Variants in EGFR observed in about 807,000 individuals in gnomAD.
EGFR encodes the protein epidermal growth factor receptor.
In EGFR, 58 loss-of-function variants were observed where a neutral mutation model predicts 143.0. The observed-to-expected ratio is 0.41, with a 90% CI of 0.33 to 0.50. The LOEUF is 0.50. Among genes scored for constraint, EGFR ranks in the 20% least tolerant of loss-of-function variants. The pLI, the probability that EGFR is intolerant of heterozygous loss-of-function variation, is 0.39. For missense variants in EGFR, 1,307 were observed against 1,579.0 expected, an observed-to-expected ratio of 0.83 and a Z score of 2.92; for synonymous variants, 613 against 594.4, an observed-to-expected ratio of 1.03 and a Z score of -0.45.
chr7:55,087,246 GTTCA>G (rs1418263026), intron 1 of EGFR, among the ~76,000 whole-genome samples: 1 of 125,780 alleles, frequency 8.0e-6, no homozygotes, highest in African/African-American at 3.1e-5. Flanking sequence ...ACCATTTTAG[GTTCA>G]CTTTAAGTAG....
chr7:55,072,304 C>T (rs76909764), intron 1 of EGFR, among the ~76,000 whole-genome samples: 2,723 of 152,312 alleles, frequency 0.018, 41 homozygotes, highest in Middle Eastern at 0.065. Flanking sequence ...TTTTAGAGCT[C>T]TATTTGTGGC....
At chr7:55,200,767 G>T (rs1316644652) in intron 24 of EGFR, 1 of 482,618 alleles carries the variant, frequency 2.1e-6, no homozygotes. Context: ...CCACTTCTTC[G>T]CATCACCCAG....
rs920578727 is a variant in EGFR, at chr7:55,209,646, C to T, written c.*4029C>T. 5.9e-5 allele frequency: 9 copies of T among 152,198 alleles called. No homozygotes were observed. The highest frequency in any genetic ancestry group is 2.2e-4 in the African/African-American group (9 of 41,450). The allele number at this position is 152,198 out of a possible 1,614,324, so 9.4% of individuals were successfully genotyped here. The stretch of plus-strand genomic sequence containing the variant: ...CTGGGGGCTGTAAAACCTTACAGAA[C>T]AGAAATCCTTGCCTCTTTCACCAGC... On this transcript the variant is annotated 3_prime_UTR_variant, in exon 28 of 28. Transcript: ENST00000275493.
chr7:55,191,282 A>T (rs990172845), intron 20 of EGFR, among the ~76,000 whole-genome samples: 1 of 152,202 alleles, frequency 6.6e-6, no homozygotes, highest in African/African-American at 2.4e-5. Context: ...CCAAGAAAGC[A>T]CAATGAGAGT....
intron 1 of EGFR, among the ~76,000 whole-genome samples, chr7:55,047,545 T>C (rs1348006606): frequency 6.6e-6 from 1 of 151,882 alleles, no homozygotes; most frequent in Non-Finnish European, 1.5e-5. Flanking sequence ...AGGTCAAGAG[T>C]TGGAGACCAG....
At chr7:55,139,339 G>A (rs903433958) in intron 1 of EGFR, among the ~76,000 whole-genome samples, 1 of 152,280 alleles carries the variant, frequency 6.6e-6, no homozygotes, top group Admixed American at 6.5e-5. Context: ...TAATTTTTAA[G>A]TAATTTACTC....
chr7:55,201,496 A>G (rs2128972079), intron 25 of EGFR, 141 bp downstream of exon 25: 1 of 1,332,298 alleles, frequency 7.5e-7, no homozygotes, highest in Non-Finnish European at 1.0e-6. Context: ...CAAAATCAAA[A>G]TAAATTAAGT....
chr7:55,178,501 T>C (rs538047742), intron 19 of EGFR, among the ~76,000 whole-genome samples: 1 of 152,172 alleles, frequency 6.6e-6, no homozygotes, highest in Non-Finnish European at 1.5e-5. Context: ...CAGTGGGCCA[T>C]GGAGGGAGCC....
intron 13 of EGFR, 22 bp downstream of exon 13, chr7:55,161,653 C>T (rs1785711759): frequency 6.2e-7 from 1 of 1,614,082 alleles, no homozygotes; most frequent in African/African-American, 1.3e-5. Context: ...TTTCTTTAAT[C>T]CCCTTGCGTT....
Position 55,205,302 on chromosome 7 carries a change from G to A in EGFR, c.3318G>A (p.Gln1106=), listed in dbSNP as rs2128975151. The A allele has an allele frequency of 6.2e-7, 1 of 1,612,716 alleles. No individual in the cohort carries two copies. The highest frequency in any genetic ancestry group is 1.3e-5 in the African/African-American group (1 of 74,996). Residue 1106 remains glutamine (Q), a synonymous_variant, in exon 28 of 28, where the codon CAG becomes CAA. Coordinates refer to ENST00000275493, the MANE Select transcript of EGFR (RefSeq NM_005228.5). ...CCAAAAGGCCCGCTGGCTCTGTGCA[G>A]AATCCTGTCTATCACAATCAGCCTC... ...SVPKRPAGSV[Q]NPVYHNQPLN... is the part of the protein sequence containing the mutation.
rs1353481050 is a variant in EGFR at position 55,206,050 on chromosome 7, G to GGATGTGCTCCT, written c.*433_*434insGATGTGCTCCT. The GGATGTGCTCCT allele has an allele frequency of 2.8e-6, 1 of 355,276 alleles. No homozygotes were observed. The highest frequency in any genetic ancestry group is 5.2e-6 in the Non-Finnish European group (1 of 192,608). 22.0% of individuals were successfully genotyped at this position (355,276 alleles called of 1,614,324 possible). On this transcript the variant is annotated 3_prime_UTR_variant, in exon 28 of 28. Transcript: ENST00000275493. Reference sequence around the variant, plus strand: ...ACCCTGAGTTCATCCAGGCCCAACTGTGAGCAAGGAGCACAAGCCACAAGT... The same window carrying GGATGTGCTCCT: ...ACCCTGAGTTCATCCAGGCCCAACTGGATGTGCTCCTTGAGCAAGGAGCACAAGCCACAAGT...
chr7:55,026,374 A>C (rs565978210), intron 1 of EGFR, among the ~76,000 whole-genome samples: 156 of 152,172 alleles, frequency 1.0e-3, no homozygotes, highest in African/African-American at 3.0e-3. Flanking sequence ...AGAACACTCC[A>C]CCCCTCCTCC....
rs957161430 is a variant in EGFR at position 55,035,522 on chromosome 7, A to C, written c.88+16157A>C. On this transcript the variant is annotated intron_variant, in intron 1 of 27. Transcript: ENST00000275493. ...ACCCCGTCTTCACTAAAAAAAAAAA[A>C]CAAAAAAAAAACTAGCCACGCATGG... is the stretch of plus-strand genomic sequence containing the variant. Among the ~76,000 whole-genome samples, 88 of 145,362 alleles carry C rather than the reference A, an allele frequency of 6.1e-4. 1 individual carries two copies. In the East Asian group the frequency reaches 0.014, roughly 23 times the overall value.
chr7:55,082,874 C>G (rs1314250630), intron 1 of EGFR, among the ~76,000 whole-genome samples: 2 of 152,190 alleles, frequency 1.3e-5, no homozygotes, highest in Non-Finnish European at 2.9e-5. Flanking sequence ...GAGGATGATG[C>G]CCCTGGCCTC....
chr7:55,078,484 GGTTTATGTGCGTC>G (rs1790265387), intron 1 of EGFR, among the ~76,000 whole-genome samples: 1 of 152,208 alleles, frequency 6.6e-6, no homozygotes, highest in South Asian at 2.1e-4. Flanking sequence ...CGGTGCATAG[GGTTTATGTGCGTC>G]CTCCTCCTTC....
chr7:55,108,241 A>T (rs1792253505), intron 1 of EGFR, among the ~76,000 whole-genome samples: 1 of 152,282 alleles, frequency 6.6e-6, no homozygotes, highest in Non-Finnish European at 1.5e-5. Context: ...CAACAAAAAT[A>T]GAATCATGCT....
At chr7:55,172,939 C>A (rs764259441) in intron 16 of EGFR, 44 bp from the exon 17 acceptor site, 2 of 1,613,954 alleles carry the variant, frequency 1.2e-6, no homozygotes, top group Non-Finnish European at 1.7e-6. Flanking sequence ...GCCATGGAAT[C>A]TGTCAGCAAC....
chr7:55,120,081 T>C (rs1289590037), intron 1 of EGFR, among the ~76,000 whole-genome samples: 1 of 152,254 alleles, frequency 6.6e-6, no homozygotes, highest in African/African-American at 2.4e-5. Flanking sequence ...CAAACCTGGA[T>C]GGACCCGAGG....
At chr7:55,079,639 G>A (rs1790350774) in intron 1 of EGFR, among the ~76,000 whole-genome samples, 1 of 152,118 alleles carries the variant, frequency 6.6e-6, no homozygotes, top group Non-Finnish European at 1.5e-5. Context: ...TTATCGTGAA[G>A]ACAGGGTCCT....
Sources: allele counts gnomAD v4.1 joint callset (sites outside exome capture counted in the v4.1 genomes callset), GRCh38; gene constraint gnomAD v4.1.1; transcripts MANE v1.5; gene names NCBI Gene and HGNC (gene_info 2026-07-23, HGNC 2026-07-21).